The following DVL3 variants were observed in gnomAD, a reference collection of about 807,000 sequenced individuals.
The protein encoded by DVL3 is dishevelled segment polarity protein 3, also known as segment polarity protein dishevelled homolog DVL-3.
DVL3 carries 27 observed loss-of-function variants against 67.4 expected under a neutral mutation model. The observed-to-expected ratio is 0.40, with a 90% CI of 0.30 to 0.55. The LOEUF is 0.55. Among genes scored for constraint, DVL3 ranks in the 20% least tolerant of loss-of-function variants. The pLI, the probability that DVL3 is intolerant of heterozygous loss-of-function variation, is 0.46. For missense variants in DVL3, 819 were observed against 1,021.5 expected (o/e 0.80, Z 2.70); for synonymous variants, 369 against 396.8 (o/e 0.93, Z 0.83).
In DVL3 at chr3:184,171,436, C is replaced by T. The variant is rs1442599730; in HGVS notation, c.*681C>T. ...GAGCATCTCTGCTCTACCCCTGCCC[C>T]ATGCCTGCCCTGCGTGCTGGTTCCT... On this transcript the variant is annotated 3_prime_UTR_variant, in exon 15 of 15. Transcript: ENST00000313143. 3.0e-6 allele frequency: 3 copies of T among 988,866 alleles called. No individual in the cohort carries two copies. The highest frequency in any genetic ancestry group is 1.7e-5 in the African/African-American group (1 of 57,272). The allele number at this position is 988,866 out of a possible 1,614,324, so 61.3% of individuals were successfully genotyped here. A position where few individuals can be genotyped will look rare whatever the true frequency, so the allele number is the denominator to read the frequency against.
rs200888533 is a variant in DVL3 at position 184,155,831 on chromosome 3, C to A, written c.161+35C>A. ...GCCCCCGCCCCGCCTCCGGGAGCCC[C>A]GGCCGCTCTGGCTTCTAAGGGATGA... On this transcript the variant is annotated intron_variant, in intron 1 of 14. Transcript: ENST00000313143. The surrounding 1 kb of genome is among the most constrained non-coding windows in gnomAD (Gnocchi z 5.4). 6.3e-7 allele frequency: 1 copy of A among 1,576,850 alleles called. No individual in the cohort carries two copies. The highest frequency in any genetic ancestry group is 8.6e-7 in the Non-Finnish European group (1 of 1,162,206).
Position 184,170,564 on chromosome 3 carries a change from G to C in DVL3, c.1960G>C (p.Gly654Arg), listed in dbSNP as rs768782292. 2 of 1,612,556 alleles carry C rather than the reference G, an allele frequency of 1.2e-6. No homozygotes were observed. Among genetic ancestry groups the C allele is most frequent in the South Asian group, 1.1e-5 (1 of 90,998 alleles). The change falls in exon 15 of 15, where the codon GGT (glycine) becomes CGT (arginine). Residue 654 changes from glycine (G) to arginine (R), a missense_variant. Coordinates refer to ENST00000313143, the MANE Select transcript of DVL3 (RefSeq NM_004423.4). The surrounding 1 kb of genome is among the most constrained non-coding windows in gnomAD (Gnocchi z 6.5). Reference protein sequence around the residue: ...LRSHHTHPSYGPPGVPPLYGP... With the variant: ...LRSHHTHPSYRPPGVPPLYGP... ...CAGCCACCACACACACCCGAGCTACGGTCCTCCCGGAGTGCCCCCTCTCTA... is the reference window on the plus strand; with the variant it reads ...CAGCCACCACACACACCCGAGCTACCGTCCTCCCGGAGTGCCCCCTCTCTA...
Position 184,167,027 on chromosome 3 carries a change from G to A in DVL3, c.1198+52G>A, listed in dbSNP as rs531523736. ...CCCAGCAGACAGGGCCAGGTGGGGG[G>A]ACTGATGAGGGTCCATGTGGAGACT... On this transcript the variant is annotated intron_variant, in intron 11 of 14. Transcript: ENST00000313143. This position sits in a 1 kb window ranked among gnomAD's most constrained non-coding sequence, Gnocchi z 4.6. The A allele has an allele frequency of 1.3e-4, 206 of 1,597,090 alleles. 1 individual carries two copies. The African/African-American group carries it at 1.9e-3, about 14-fold the overall frequency.
At position 184,164,248 on chromosome 3, in the gene DVL3, C is replaced by T; in HGVS notation, c.232-19C>T. 3.1e-6 allele frequency: 5 copies of T among 1,612,532 alleles called. No individual in the cohort carries two copies. Among genetic ancestry groups the T allele is most frequent in the Non-Finnish European group, 4.2e-6 (5 of 1,179,232 alleles). Reference sequence around the variant, plus strand: ...TGATGCTCCTGTAACATACTACTCACTCAGTTTCTCCCTTTCAGCTGGTGT... The same window carrying T: ...TGATGCTCCTGTAACATACTACTCATTCAGTTTCTCCCTTTCAGCTGGTGT... On this transcript the variant is annotated intron_variant, in intron 2 of 14. Transcript: ENST00000313143. This position sits in a 1 kb window ranked among gnomAD's most constrained non-coding sequence, Gnocchi z 5.3.
intron 13 of DVL3, among the ~76,000 whole-genome samples, chr3:184,168,781 G>A (rs1258331689): frequency 6.6e-6 from 1 of 152,174 alleles, no homozygotes; most frequent in African/African-American, 2.4e-5. Flanking sequence ...GTGAGCAGAG[G>A]GTGTCCCAGG....
At chr3:184,159,654 G>A (rs1411494617) in intron 1 of DVL3, among the ~76,000 whole-genome samples, 5 of 150,826 alleles carry the variant, frequency 3.3e-5, no homozygotes, top group Non-Finnish European at 3.0e-5. Flanking sequence ...GTGAGCCACC[G>A]TGCCTGGTAT....
chr3:184,166,127 A>G lies in DVL3; in HGVS notation c.765A>G (p.Glu255=). Residue 255 remains glutamate (E), a splice_region_variant and synonymous_variant, in exon 8 of 15, where the codon GAA becomes GAG. Coordinates refer to ENST00000313143, the MANE Select transcript of DVL3 (RefSeq NM_004423.4). This position sits in a 1 kb window ranked among gnomAD's most constrained non-coding sequence, Gnocchi z 6.7. ...LNIITVTLNM[E]KYNFLGISIV... ...AAGGTCTTAAATTACTCTCTATAGA[A>G]AAATATAACTTCTTGGGCATCTCCA... 6.2e-7 allele frequency: 1 copy of G among 1,612,884 alleles called. No individual in the cohort carries two copies. Among genetic ancestry groups the G allele is most frequent in the Admixed American group, 1.7e-5 (1 of 59,480 alleles).
At chr3:184,156,667 T>C (rs890036973) in intron 1 of DVL3, 7 of 347,814 alleles carry the variant, frequency 2.0e-5, no homozygotes, top group African/African-American at 1.5e-4. Context: ...GGATGGAATG[T>C]TGGAGCCGGA....
rs1054994850 is a variant in DVL3, at chr3:184,164,672, C to T, written c.463+71C>T. The T allele has an allele frequency of 7.1e-6, 11 of 1,557,710 alleles. No homozygotes were observed. Among genetic ancestry groups the T allele is most frequent in the Non-Finnish European group, 9.6e-6 (11 of 1,147,612 alleles). On this transcript the variant is annotated intron_variant, in intron 4 of 14. Coordinates refer to ENST00000313143, the MANE Select transcript of DVL3 (RefSeq NM_004423.4). The surrounding 1 kb of genome is among the most constrained non-coding windows in gnomAD (Gnocchi z 5.3). ...CCTCACTTTCCACCCAGCTACCCAC[C>T]TTCTTGCCCTACTTCCCGAGCTCAG...
In DVL3 at chr3:184,163,431, C is replaced by G. The variant is rs1376590796; in HGVS notation, c.162-226C>G. Among the ~76,000 whole-genome samples the G allele has an allele frequency of 6.6e-6, 1 of 152,112 alleles. No homozygotes were observed. Among genetic ancestry groups the G allele is most frequent in the East Asian group, 1.9e-4 (1 of 5,198 alleles). On this transcript the variant is annotated intron_variant, in intron 1 of 14. Transcript: ENST00000313143. The surrounding 1 kb of genome is among the most constrained non-coding windows in gnomAD (Gnocchi z 4.5). ...GTTGTAATTTGCAATCACCTGATGA[C>G]TGAGAGGATGCCCCGGGAAGGTATC...
Position 184,155,706 on chromosome 3 carries a change from C to T in DVL3, c.71C>T (p.Pro24Leu), listed in dbSNP as rs1471544797. The T allele has an allele frequency of 6.2e-7, 1 of 1,613,350 alleles. No individual in the cohort carries two copies. Among genetic ancestry groups the T allele is most frequent in the Non-Finnish European group, 8.5e-7 (1 of 1,179,858 alleles). The part of the protein sequence containing the change: ...ETPYLVKLPL[P>L]AERVTLADFK... ...CCGTACCTTGTGAAGCTGCCCCTGC[C>T]CGCCGAGCGCGTCACCTTGGCGGAC... The change falls in exon 1 of 15, where the codon CCC (proline) becomes CTC (leucine). Residue 24 changes from proline (P) to leucine (L), a missense_variant. Transcript: ENST00000313143. This position sits in a 1 kb window ranked among gnomAD's most constrained non-coding sequence, Gnocchi z 5.4.
rs1330717197 is a variant in DVL3 at position 184,173,460 on chromosome 3, C to T, written c.*2705C>T. 1 of 152,160 alleles carries T rather than the reference C, an allele frequency of 6.6e-6. No individual in the cohort carries two copies. The highest frequency in any genetic ancestry group is 2.4e-5 in the African/African-American group (1 of 41,432). 9.4% of individuals were successfully genotyped at this position (152,160 alleles called of 1,614,324 possible). A position where few individuals can be genotyped will look rare whatever the true frequency, so the allele number is the denominator to read the frequency against. On this transcript the variant is annotated 3_prime_UTR_variant, in exon 15 of 15. Coordinates refer to ENST00000313143, the MANE Select transcript of DVL3 (RefSeq NM_004423.4). ...GATAGAGTTATTTAACCTCTCTGAG[C>T]CTCAGTTCCCTCGTATGTAAAATGA...
rs1012004880 is a variant in DVL3, at chr3:184,165,996, T to C, written c.764-130T>C. The C allele has an allele frequency of 4.0e-5, 45 of 1,124,930 alleles. No homozygotes were observed. Among genetic ancestry groups the C allele is most frequent in the Non-Finnish European group, 5.5e-5 (43 of 788,828 alleles). The allele number at this position is 1,124,930 out of a possible 1,614,324, so 69.7% of individuals were successfully genotyped here. A position where few individuals can be genotyped will look rare whatever the true frequency, so the allele number is the denominator to read the frequency against. On this transcript the variant is annotated intron_variant, in intron 7 of 14. Coordinates refer to ENST00000313143, the MANE Select transcript of DVL3 (RefSeq NM_004423.4). The surrounding 1 kb of genome is among the most constrained non-coding windows in gnomAD (Gnocchi z 4.1). ...GGTTCCATGGAAGCATGTTTGAGCA[T>C]GCTGAGTGCAGTGCCTGATTCAGGA...
chr3:184,169,689 A>G (rs535926893), intron 13 of DVL3, among the ~76,000 whole-genome samples: 213 of 152,298 alleles, frequency 1.4e-3, no homozygotes, highest in African/African-American at 5.0e-3. Flanking sequence ...CTCCGTCTCA[A>G]AGAGTTTTGC....
rs1577050255 is a variant in DVL3, at chr3:184,166,834, A to C, written c.1057A>C (p.Ile353Leu). The part of the protein sequence containing the change: ...GCFTLPRSEP[I>L]RPIDPAAWVS... ...CCTCATCCTCCCTGCAGGCGAGCCCATCCGGCCCATTGACCCTGCGGCCTG... is the reference window on the plus strand; with the variant it reads ...CCTCATCCTCCCTGCAGGCGAGCCCCTCCGGCCCATTGACCCTGCGGCCTG... Residue 353 changes from isoleucine (I) to leucine (L), a missense_variant, in exon 11 of 15, where the codon ATC becomes CTC. By Grantham distance (5) the Ile-to-Leu change is conservative. Coordinates refer to ENST00000313143, the MANE Select transcript of DVL3 (RefSeq NM_004423.4). The surrounding 1 kb of genome is among the most constrained non-coding windows in gnomAD (Gnocchi z 6.7). 6.2e-7 allele frequency: 1 copy of C among 1,613,998 alleles called. No individual in the cohort carries two copies. Among genetic ancestry groups the C allele is most frequent in the East Asian group, 2.2e-5 (1 of 44,884 alleles).
Position 184,166,885 on chromosome 3 carries a change from G to A in DVL3, c.1108G>A (p.Gly370Ser), listed in dbSNP as rs146365513. ...AWVSHTAAMTGTFPAYGMSPS... is the reference protein window; with the variant it reads ...AWVSHTAAMTSTFPAYGMSPS... ...GGTCTCCCACACTGCAGCCATGACC[G>A]GCACCTTCCCTGCATACGGCATGAG... Residue 370 changes from glycine to serine, a missense_variant, in exon 11 of 15, where the codon GGC becomes AGC. Physicochemically the swap from Gly to Ser is moderately conservative, Grantham distance 56. Transcript: ENST00000313143. The surrounding 1 kb of genome is among the most constrained non-coding windows in gnomAD (Gnocchi z 6.7). 3.8e-5 allele frequency: 62 copies of A among 1,613,866 alleles called. No individual in the cohort carries two copies. Among genetic ancestry groups the A allele is most frequent in the East Asian group, 3.8e-4 (17 of 44,878 alleles).
Position 184,170,561 on chromosome 3 carries a change from T to A in DVL3, c.1957T>A (p.Tyr653Asn). ...TCGCAGCCACCACACACACCCGAGC[T>A]ACGGTCCTCCCGGAGTGCCCCCTCT... ...SLRSHHTHPSYGPPGVPPLYG... is the reference protein window; with the variant it reads ...SLRSHHTHPSNGPPGVPPLYG... The change falls in exon 15 of 15, where the codon TAC becomes AAC. Residue 653 changes from tyrosine (Y) to asparagine (N), a missense_variant. Tyr to Asn is a moderately radical substitution (Grantham distance 143). Around this residue, in one of 3 missense-constraint regions of DVL3, gnomAD observed 324 missense variants for 331.3 expected, o/e 0.98. Coordinates refer to ENST00000313143, the MANE Select transcript of DVL3 (RefSeq NM_004423.4). The surrounding 1 kb of genome is among the most constrained non-coding windows in gnomAD (Gnocchi z 6.5). The A allele has an allele frequency of 6.2e-7, 1 of 1,612,640 alleles. No homozygotes were observed. The highest frequency in any genetic ancestry group is 8.5e-7 in the Non-Finnish European group (1 of 1,179,232).
chr3:184,162,077 T>C (rs1219806235), intron 1 of DVL3, among the ~76,000 whole-genome samples: 14 of 152,328 alleles, frequency 9.2e-5, no homozygotes, highest in Non-Finnish European at 7.3e-5. Context: ...CCATTGTACC[T>C]GCTGCCTTAT....
At chr3:184,160,848 C>T (rs1490229162) in intron 1 of DVL3, among the ~76,000 whole-genome samples, 1 of 152,222 alleles carries the variant, frequency 6.6e-6, no homozygotes, top group Admixed American at 6.5e-5. Context: ...CCCTGTGGGG[C>T]TGCCAACCTG....
Sources: allele counts gnomAD v4.1 joint callset (sites outside exome capture counted in the v4.1 genomes callset), GRCh38; gene constraint gnomAD v4.1.1; regional missense constraint gnomAD v4.1.1; non-coding constraint Gnocchi (gnomAD v3.1); transcripts MANE v1.5; gene names NCBI Gene and HGNC (gene_info 2026-07-23, HGNC 2026-07-21).